IQCM: variants seen among roughly 807,000 people sequenced by gnomAD.
The protein encoded by IQCM is IQ domain-containing protein M.
Under a neutral mutation model 57.6 loss-of-function variants are expected in IQCM, and 45 were observed. That is an observed-to-expected ratio of 0.78 (90% CI 0.62 to 1.00). The LOEUF (loss-of-function observed/expected upper bound fraction) is 1.00. Among genes scored for constraint, IQCM ranks in the 50% least tolerant of loss-of-function variants. The pLI is 0.00. For missense variants in IQCM, 468 were observed against 511.6 expected (o/e 0.91, Z 0.82); for synonymous variants, 148 against 158.9 (o/e 0.93, Z 0.51).
intron 9 of IQCM, among the ~76,000 whole-genome samples, chr4:149,565,728 T>C (rs748174877): frequency 6.6e-6 from 1 of 152,176 alleles, no homozygotes; most frequent in Non-Finnish European, 1.5e-5. Context: ...GCTGTATATT[T>C]ATTTTTGACC....
intron 12 of IQCM, among the ~76,000 whole-genome samples, chr4:149,508,707 G>A (rs1163522397): frequency 6.6e-6 from 1 of 152,180 alleles, no homozygotes; most frequent in Non-Finnish European, 1.5e-5. Flanking sequence ...TTGAGTTAAT[G>A]CTGAAATGAG....
intron 3 of IQCM, among the ~76,000 whole-genome samples, chr4:149,739,884 C>T (rs908005714): frequency 6.6e-6 from 1 of 152,064 alleles, no homozygotes; most frequent in African/African-American, 2.4e-5. Context: ...ATTGTGATGA[C>T]GGTTCATAAA....
intron 12 of IQCM, among the ~76,000 whole-genome samples, chr4:149,435,588 A>G (rs767287224): frequency 6.6e-6 from 1 of 151,238 alleles, no homozygotes; most frequent in East Asian, 1.9e-4. Context: ...AAAAAAAAAC[A>G]GTAAAACAGC....
At chr4:149,747,086 TTTTC>T (rs542527822) in intron 2 of IQCM, among the ~76,000 whole-genome samples, 9 of 152,196 alleles carry the variant, frequency 5.9e-5, no homozygotes, top group Non-Finnish European at 1.0e-4. Flanking sequence ...ATTTTCTGGA[TTTTC>T]TTTCTAACTG....
chr4:149,726,865 C>A (rs1765991766), intron 5 of IQCM, among the ~76,000 whole-genome samples: 1 of 151,986 alleles, frequency 6.6e-6, no homozygotes, highest in Non-Finnish European at 1.5e-5. Context: ...CGGCTCACTG[C>A]AGCCTCCGCC....
At chr4:149,412,718 T>C (rs1733476376) in intron 13 of IQCM, among the ~76,000 whole-genome samples, 2 of 152,204 alleles carry the variant, frequency 1.3e-5, no homozygotes, top group Non-Finnish European at 2.9e-5. Context: ...AATGTCTGAA[T>C]AATGGAGTAT....
intron 12 of IQCM, among the ~76,000 whole-genome samples, chr4:149,525,824 G>C (rs1248570683): frequency 6.6e-6 from 1 of 151,532 alleles, no homozygotes. Flanking sequence ...TTAAATGACT[G>C]GTACATTGTT....
At chr4:149,732,950 T>A (rs1766598016) in intron 5 of IQCM, among the ~76,000 whole-genome samples, 1 of 152,192 alleles carries the variant, frequency 6.6e-6, no homozygotes, top group African/African-American at 2.4e-5. Context: ...TGCTTTAGCA[T>A]CTGTGAAATA....
At chr4:149,652,783 G>A (rs1346129302) in intron 7 of IQCM, among the ~76,000 whole-genome samples, 2 of 151,690 alleles carry the variant, frequency 1.3e-5, no homozygotes, top group South Asian at 4.2e-4. Flanking sequence ...AAAGAAGAAA[G>A]GAAACAAAAT....
At chr4:149,799,314 C>T (rs955173662) in intron 2 of IQCM, among the ~76,000 whole-genome samples, 23 of 151,612 alleles carry the variant, frequency 1.5e-4, no homozygotes, top group African/African-American at 5.5e-4. Flanking sequence ...GGAAACACAA[C>T]ATACCAAAAC....
At chr4:149,466,886 T>C (rs757409858) in intron 12 of IQCM, among the ~76,000 whole-genome samples, 71 of 152,290 alleles carry the variant, frequency 4.7e-4, no homozygotes, top group Admixed American at 1.2e-3. Context: ...ACCTTCTTGC[T>C]GCATCCACAC....
rs112821148 is a variant in IQCM, at chr4:149,629,029, T to G, written c.566-7785A>C. On this transcript the variant is annotated intron_variant, in intron 7 of 13. Coordinates refer to ENST00000636793, the MANE Select transcript of IQCM (RefSeq NM_001363507.2). ...AAAATTTGCTCAGAAAACACTTAAC[T>G]AAAGACTGAGGCATGAATCAATAAA... Among the ~76,000 whole-genome samples, 98 of 152,298 alleles carry G rather than the reference T, an allele frequency of 6.4e-4. 3 individuals carry two copies. The highest frequency in any genetic ancestry group is 2.2e-3 in the African/African-American group (92 of 41,558).
intron 12 of IQCM, among the ~76,000 whole-genome samples, chr4:149,482,565 T>G (rs900772484): frequency 6.6e-6 from 1 of 152,134 alleles, no homozygotes; most frequent in East Asian, 1.9e-4. Context: ...ATTTTGTTGA[T>G]ATGATGTATC....
intron 13 of IQCM, among the ~76,000 whole-genome samples, chr4:149,404,227 T>C (rs1030795234): frequency 1.2e-4 from 18 of 152,012 alleles, no homozygotes; most frequent in South Asian, 6.2e-4. Flanking sequence ...ACTGAGTAGA[T>C]AGAGGCAACC....
chr4:149,645,563 A>C (rs1758559654), intron 7 of IQCM, among the ~76,000 whole-genome samples: 1 of 152,200 alleles, frequency 6.6e-6, no homozygotes, highest in Admixed American at 6.5e-5. Flanking sequence ...GTACTACCCA[A>C]GAGTAAGGTG....
At chr4:149,754,995 G>T (rs930797202) in intron 2 of IQCM, among the ~76,000 whole-genome samples, 4 of 152,108 alleles carry the variant, frequency 2.6e-5, no homozygotes, top group African/African-American at 9.7e-5. Flanking sequence ...CAGTTACTGA[G>T]GCCAGACAAT....
At chr4:149,462,808 A>G (rs1480767662) in intron 12 of IQCM, among the ~76,000 whole-genome samples, 2 of 152,222 alleles carry the variant, frequency 1.3e-5, no homozygotes, top group African/African-American at 4.8e-5. Context: ...ATCAGAAATT[A>G]GACTGCTGAA....
intron 8 of IQCM, among the ~76,000 whole-genome samples, chr4:149,594,940 G>A (rs1179706819): frequency 1.3e-5 from 2 of 152,118 alleles, no homozygotes; most frequent in African/African-American, 4.8e-5. Flanking sequence ...CTGTTGATTT[G>A]GGGTGGAGAG....
chr4:149,726,570 A>G (rs61161288), intron 5 of IQCM, among the ~76,000 whole-genome samples: 1,823 of 152,074 alleles, frequency 0.012, 34 homozygotes, highest in African/African-American at 0.041. Flanking sequence ...TTCTACCTAC[A>G]TTTATTTCCT....
Sources: gnomAD v4.1 joint callset for allele counts (sites outside exome capture counted in the v4.1 genomes callset) on GRCh38, gnomAD v4.1.1 for gene constraint, MANE v1.5 for transcripts, NCBI Gene and HGNC (gene_info 2026-07-23, HGNC 2026-07-21) for gene names.